KHDRBS2: variants seen among roughly 807,000 people sequenced by gnomAD.
The protein encoded by KHDRBS2 is KH RNA binding domain containing, signal transduction associated 2.
Under a neutral mutation model 44.3 loss-of-function variants are expected in KHDRBS2, and 26 were observed. That is an observed-to-expected ratio of 0.59 (90% CI 0.43 to 0.81). KHDRBS2 has a LOEUF of 0.81. Ranked by LOEUF, KHDRBS2 falls within the 40% of genes least tolerant of loss-of-function variation. The pLI is 0.00. For synonymous variants in KHDRBS2, 194 were observed against 151.1 expected, an observed-to-expected ratio of 1.28 and a Z score of -2.08; for missense variants, 476 against 433.1, an observed-to-expected ratio of 1.10 and a Z score of -0.88.
intron 1 of KHDRBS2, among the ~76,000 whole-genome samples, chr6:62,178,374 G>C (rs1000886225): frequency 2.6e-5 from 4 of 151,572 alleles, no homozygotes; most frequent in African/African-American, 9.7e-5. Flanking sequence ...GTGATTATAG[G>C]ACAGATCATG....
At chr6:61,973,256 T>C (rs1387570775) in intron 4 of KHDRBS2, among the ~76,000 whole-genome samples, 1 of 152,180 alleles carries the variant, frequency 6.6e-6, no homozygotes, top group Non-Finnish European at 1.5e-5. Context: ...TTTTAGTGTA[T>C]GAAAGTTTAG....
At chr6:61,724,738 T>C (rs1408983970) in intron 7 of KHDRBS2, among the ~76,000 whole-genome samples, 2 of 152,102 alleles carry the variant, frequency 1.3e-5, no homozygotes, top group Non-Finnish European at 2.9e-5. Flanking sequence ...GGTAAAGGGT[T>C]AAACTCAACA....
chr6:62,191,918 A>G (rs1824706068), intron 1 of KHDRBS2, among the ~76,000 whole-genome samples: 1 of 152,116 alleles, frequency 6.6e-6, no homozygotes. Flanking sequence ...AATTTAAAAA[A>G]ACTTTTTTTA....
chr6:61,897,827 A>G (rs1486239017), intron 5 of KHDRBS2, among the ~76,000 whole-genome samples: 1 of 151,980 alleles, frequency 6.6e-6, no homozygotes, highest in Non-Finnish European at 1.5e-5. Flanking sequence ...AACAAACTCT[A>G]TTAGTTCTAT....
the KHDRBS2 span, among the ~76,000 whole-genome samples, chr6:61,558,427 T>TG: frequency 6.6e-6 from 1 of 152,000 alleles, no homozygotes. Flanking sequence ...CTGTACATGG[T>TG]GGTGCATGCC....
At chr6:61,984,479 C>T (rs1302323188) in intron 3 of KHDRBS2, among the ~76,000 whole-genome samples, 1 of 152,000 alleles carries the variant, frequency 6.6e-6, no homozygotes, top group East Asian at 1.9e-4. Flanking sequence ...AAAATACGTT[C>T]TGAACATCCA....
the KHDRBS2 span, among the ~76,000 whole-genome samples, chr6:61,585,389 C>A: frequency 2.6e-5 from 4 of 152,128 alleles, no homozygotes; most frequent in South Asian, 8.3e-4. Flanking sequence ...TTCAGTGGTA[C>A]TGACTACTGT....
At chr6:61,945,109 A>ATATATGT (rs1256689275) in intron 4 of KHDRBS2, among the ~76,000 whole-genome samples, 1 of 36,584 alleles carries the variant, frequency 2.7e-5, no homozygotes, top group Non-Finnish European at 5.1e-5. Context: ...AAAAAAAAAA[A>ATATATGT]AAAGTATATA....
the KHDRBS2 span, among the ~76,000 whole-genome samples, chr6:61,562,867 G>C: frequency 1.3e-5 from 2 of 152,116 alleles, no homozygotes; most frequent in African/African-American, 4.8e-5. Flanking sequence ...ATGCTGTCAA[G>C]TCCTCTTACA....
chr6:61,871,508 C>G (rs1407508480), intron 6 of KHDRBS2, among the ~76,000 whole-genome samples: 2 of 152,116 alleles, frequency 1.3e-5, no homozygotes, highest in Non-Finnish European at 2.9e-5. Context: ...ATACAGACAA[C>G]ACCACAAAGA....
intron 2 of KHDRBS2, among the ~76,000 whole-genome samples, chr6:62,101,091 C>A (rs1415032054): frequency 3.3e-5 from 5 of 151,978 alleles, no homozygotes; most frequent in Non-Finnish European, 1.5e-5. Context: ...ATAATGTGGC[C>A]TTGAGTTTAA....
chr6:61,650,273 A>T, the KHDRBS2 span, among the ~76,000 whole-genome samples: 2,056 of 151,654 alleles, frequency 0.014, 48 homozygotes, highest in African/African-American at 0.048. Flanking sequence ...CTTTCCATTT[A>T]TTTCTGGCAT....
chr6:61,721,202 T>C (rs1319460857), intron 7 of KHDRBS2, among the ~76,000 whole-genome samples: 2 of 152,142 alleles, frequency 1.3e-5, no homozygotes, highest in Non-Finnish European at 2.9e-5. Flanking sequence ...TAGTTTGAAG[T>C]CAGGTAGTGT....
At chr6:61,613,864 G>T in the KHDRBS2 span, among the ~76,000 whole-genome samples, 5 of 152,056 alleles carry the variant, frequency 3.3e-5, no homozygotes, top group Non-Finnish European at 5.9e-5. Flanking sequence ...GCAACATTGG[G>T]ACATTTTTAC....
the KHDRBS2 span, among the ~76,000 whole-genome samples, chr6:61,585,239 A>G: frequency 6.6e-6 from 1 of 151,912 alleles, no homozygotes; most frequent in Non-Finnish European, 1.5e-5. Context: ...AACTAGAGAA[A>G]CCATCAGACA....
the KHDRBS2 span, among the ~76,000 whole-genome samples, chr6:61,603,826 C>A: frequency 6.6e-6 from 1 of 152,162 alleles, no homozygotes; most frequent in Non-Finnish European, 1.5e-5. Context: ...ATTCCAGATA[C>A]CACACCTGAC....
intron 2 of KHDRBS2, among the ~76,000 whole-genome samples, chr6:62,071,309 T>TA (rs1795021003): frequency 6.6e-6 from 1 of 152,204 alleles, no homozygotes; most frequent in Non-Finnish European, 1.5e-5. Context: ...ACTCTGATGG[T>TA]AGTTTCTTTT....
chr6:61,845,169 T>C (rs1261912818), intron 6 of KHDRBS2, among the ~76,000 whole-genome samples: 1 of 152,140 alleles, frequency 6.6e-6, no homozygotes, highest in East Asian at 1.9e-4. Flanking sequence ...ACATATGAGT[T>C]CACACTTGTA....
At chr6:61,838,227 T>G (rs1482568451) in intron 6 of KHDRBS2, among the ~76,000 whole-genome samples, 2 of 152,058 alleles carry the variant, frequency 1.3e-5, no homozygotes, top group Admixed American at 1.3e-4. Context: ...AAGTCCATTT[T>G]ATTTAAAAAG....
Sources: allele counts gnomAD v4.1 joint callset (sites outside exome capture counted in the v4.1 genomes callset), GRCh38; gene constraint gnomAD v4.1.1; transcripts MANE v1.5; gene names NCBI Gene and HGNC (gene_info 2026-07-23, HGNC 2026-07-21).